The following UTY variants were observed in gnomAD, a reference collection of about 807,000 sequenced individuals.
The protein encoded by UTY is ubiquitously transcribed tetratricopeptide repeat containing, Y-linked.
A neutral mutation model predicts 32.5 loss-of-function variants in UTY; 12 were observed. The observed-to-expected ratio is 0.37, with a 90% CI of 0.24 to 0.60. UTY has a LOEUF of 0.60. UTY is among the 20% of genes least tolerant of loss of function. UTY has a pLI of 0.69. For synonymous variants in UTY, 131 were observed against 103.4 expected, an observed-to-expected ratio of 1.27 and a Z score of -1.62; for missense variants, 303 against 299.2, an observed-to-expected ratio of 1.01 and a Z score of -0.09.
Position 13,282,726 on chromosome Y carries a change from C to T in UTY, c.4010+14981G>A, listed in dbSNP as rs762671312. Among the ~76,000 whole-genome samples the T allele has an allele frequency of 1.5e-4, 5 of 34,029 alleles. No homozygotes were observed. In the East Asian group the frequency reaches 3.9e-3, roughly 27 times the overall value. The allele number at this position is 34,029 out of a possible 37,273, so 91.3% of individuals were successfully genotyped here. A position where few individuals can be genotyped will look rare whatever the true frequency, so the allele number is the denominator to read the frequency against. On this transcript the variant is annotated intron_variant, in intron 27 of 29. Coordinates refer to ENST00000545955, the MANE Select transcript of UTY (RefSeq NM_001258249.2). ...TACTCCCAGCTGAATAAAGCCCTTCCTTCTACAACTCGGTATCTGAGAGGC... is the reference window on the plus strand; with the variant it reads ...TACTCCCAGCTGAATAAAGCCCTTCTTTCTACAACTCGGTATCTGAGAGGC...
rs762223153 is a variant in UTY at position 13,360,846 on chromosome Y, C to T, written c.867-318G>A. Among the ~76,000 whole-genome samples, 6 of 32,942 alleles carry T rather than the reference C, an allele frequency of 1.8e-4. No homozygotes were observed. The South Asian group carries it at 2.0e-3, about 11-fold the overall frequency. 88.4% of individuals were successfully genotyped at this position (32,942 alleles called of 37,273 possible). ...AGCTCTCTATTTACACAAGTTTGAA[C>T]GCAGGCTTCCTACATTATAAGAACA... On this transcript the variant is annotated intron_variant, in intron 10 of 29. Coordinates refer to ENST00000545955, the MANE Select transcript of UTY (RefSeq NM_001258249.2).
intron 14 of UTY, 199 bp from the exon 15 acceptor site, chrY:13,358,168 C>T (rs2063155234): frequency 5.3e-5 from 4 of 75,010 alleles, no homozygotes; most frequent in Admixed American, 2.7e-4. Context: ...ATTTAAATTA[C>T]GTCTCAAAGA....
intron 8 of UTY, among the ~76,000 whole-genome samples, chrY:13,372,337 C>G: frequency 3.0e-5 from 1 of 33,110 alleles, no homozygotes; most frequent in Non-Finnish European, 7.5e-5. Context: ...CCAGAGGTGC[C>G]AAAACATGTC....
intron 17 of UTY, among the ~76,000 whole-genome samples, chrY:13,346,028 CAAGA>C (rs2061858221): frequency 3.0e-5 from 1 of 33,182 alleles, no homozygotes; most frequent in African/African-American, 1.2e-4. Flanking sequence ...AAATCTAGGA[CAAGA>C]AAGAGTCAGC....
intron 4 of UTY, among the ~76,000 whole-genome samples, chrY:13,430,778 C>CA (rs749665897): frequency 3.8e-3 from 54 of 14,101 alleles, no homozygotes; most frequent in African/African-American, 5.3e-3. Context: ...AACAAAAATA[C>CA]AAAAAAAAAA....
chrY:13,279,236 C>T (rs1055416987), intron 27 of UTY, among the ~76,000 whole-genome samples: 2 of 33,509 alleles, frequency 6.0e-5, no homozygotes, highest in African/African-American at 2.3e-4. Flanking sequence ...TAGGCAGATA[C>T]GGCTGCAGCA....
At chrY:13,293,669 C>T (rs2057876119) in intron 27 of UTY, among the ~76,000 whole-genome samples, 1 of 32,931 alleles carries the variant, frequency 3.0e-5, no homozygotes, top group South Asian at 6.7e-4. Context: ...TTGCAGATAC[C>T]AATTCTCTAT....
intron 17 of UTY, among the ~76,000 whole-genome samples, chrY:13,350,953 A>T (rs2062358787): frequency 3.1e-5 from 1 of 32,640 alleles, no homozygotes; most frequent in Non-Finnish European, 7.4e-5. Context: ...TCACTTGGAG[A>T]GCTCGGTTGT....
At chrY:13,457,948 G>A (rs1603471417) in intron 3 of UTY, among the ~76,000 whole-genome samples, 1 of 32,831 alleles carries the variant, frequency 3.0e-5, no homozygotes, top group Non-Finnish European at 7.5e-5. Flanking sequence ...TATCCTAGTC[G>A]GAACTCTGAA....
At chrY:13,250,398 C>T in intron 29 of UTY, among the ~76,000 whole-genome samples, 1 of 33,926 alleles carries the variant, frequency 2.9e-5, no homozygotes, top group African/African-American at 1.1e-4. Context: ...TAGTGAACAA[C>T]GTTTGGAATA....
chrY:13,448,726 AAT>A lies in UTY; in HGVS notation c.375+289_375+290del, dbSNP rs2076106064. On this transcript the variant is annotated intron_variant, in intron 4 of 29. Coordinates refer to ENST00000545955, the MANE Select transcript of UTY (RefSeq NM_001258249.2). Reference sequence around the variant, plus strand: ...TAATAAATCAAAATAAATGCTTATCAATATATGTTTTGGAACTAAGTAGATTT... The same window carrying A: ...TAATAAATCAAAATAAATGCTTATCAATATGTTTTGGAACTAAGTAGATTT... Among the ~76,000 whole-genome samples, 3 of 33,698 alleles carry A rather than the reference AAT, an allele frequency of 8.9e-5. No homozygotes were observed. In the South Asian group the frequency reaches 1.9e-3, roughly 22 times the overall value. The allele number at this position is 33,698 out of a possible 37,273, so 90.4% of individuals were successfully genotyped here.
At chrY:13,304,866 C>T in intron 24 of UTY, among the ~76,000 whole-genome samples, 2 of 29,727 alleles carry the variant, frequency 6.7e-5, no homozygotes, top group African/African-American at 2.6e-4. Context: ...TACAAAATAT[C>T]GCCAATTGAA....
chrY:13,312,757 C>CA (rs2059260381), intron 21 of UTY, among the ~76,000 whole-genome samples: 1 of 30,137 alleles, frequency 3.3e-5, no homozygotes, highest in African/African-American at 1.3e-4. Flanking sequence ...AAGTCCGTCT[C>CA]AGAAAAAAAA....
At chrY:13,300,107 G>T in intron 25 of UTY, 1 of 129,595 alleles carries the variant, frequency 7.7e-6, no homozygotes, top group Admixed American at 2.7e-4. Context: ...ATGTCTATTT[G>T]CATAAGCTTT....
chrY:13,340,741 T>C (rs2061428679), intron 17 of UTY, among the ~76,000 whole-genome samples: 2 of 33,885 alleles, frequency 5.9e-5, no homozygotes, highest in South Asian at 6.6e-4. Flanking sequence ...CAGGCTCTTA[T>C]AGATCTAATG....
chrY:13,315,334 C>G, intron 21 of UTY, among the ~76,000 whole-genome samples: 1 of 34,210 alleles, frequency 2.9e-5, no homozygotes, highest in East Asian at 7.7e-4. Flanking sequence ...GATGACAGGG[C>G]GCAGTGGCTC....
intron 24 of UTY, among the ~76,000 whole-genome samples, chrY:13,303,275 T>C: frequency 5.9e-5 from 2 of 33,630 alleles, no homozygotes; most frequent in African/African-American, 2.3e-4. Context: ...ACATGTCAAA[T>C]GTTAGCATAT....
At chrY:13,304,097 T>A in intron 24 of UTY, 1 of 116,192 alleles carries the variant, frequency 8.6e-6, no homozygotes. Context: ...TATTGACCAC[T>A]TACTGGCCAC....
At chrY:13,274,786 AAAATAAAT>A (rs1456354530) in intron 27 of UTY, among the ~76,000 whole-genome samples, 11 of 30,879 alleles carry the variant, frequency 3.6e-4, no homozygotes, top group African/African-American at 1.4e-3. Context: ...CTGTCTCAAA[AAAATAAAT>A]AAATAAATAA....
Sources: gnomAD v4.1 joint callset for allele counts (sites outside exome capture counted in the v4.1 genomes callset) on GRCh38, gnomAD v4.1.1 for gene constraint, MANE v1.5 for transcripts, NCBI Gene and HGNC (gene_info 2026-07-23, HGNC 2026-07-21) for gene names.